The following RAD21 variants were observed in gnomAD, a reference collection of about 807,000 sequenced individuals.
RAD21 encodes double-strand-break repair protein rad21 homolog.
Under a neutral mutation model 71.5 loss-of-function variants are expected in RAD21, and 18 were observed. That is an observed-to-expected ratio of 0.25 (90% CI 0.17 to 0.37). The LOEUF (loss-of-function observed/expected upper bound fraction) is 0.37, where lower values mean the gene tolerates loss of function less well. Among genes scored for constraint, RAD21 ranks in the 10% least tolerant of loss-of-function variants. The pLI is 1.00. For synonymous variants in RAD21, 248 were observed against 254.0 expected (o/e 0.98, Z 0.22); for missense variants, 493 against 769.1 (o/e 0.64, Z 4.25).
At position 116,862,113 on chromosome 8, in the gene RAD21, T is replaced by A. The variant is rs190815646; in HGVS notation, c.275-173A>T. On this transcript the variant is annotated intron_variant, in intron 3 of 13. Coordinates refer to ENST00000297338, the MANE Select transcript of RAD21 (RefSeq NM_006265.3). ...TCTTTTTCCATGCTCATAAATTGTATTCCTTGCTTTAGGAAAAAGTCAAAG... is the reference window on the plus strand; with the variant it reads ...TCTTTTTCCATGCTCATAAATTGTAATCCTTGCTTTAGGAAAAAGTCAAAG... Among the ~76,000 whole-genome samples, 141 of 152,270 alleles carry A rather than the reference T, an allele frequency of 9.3e-4. 1 individual carries two copies. The highest frequency in any genetic ancestry group is 3.3e-3 in the African/African-American group (138 of 41,562).
intron 2 of RAD21, among the ~76,000 whole-genome samples, chr8:116,866,206 A>T (rs1812687322): frequency 6.7e-6 from 1 of 148,838 alleles, no homozygotes; most frequent in Non-Finnish European, 1.5e-5. Flanking sequence ...GCCTTTTTAG[A>T]TTGGCTTATT....
At position 116,854,440 on chromosome 8, in the gene RAD21, C is replaced by T; in HGVS notation, c.966G>A (p.Arg322=). ...CTTTGACACTGTCAACAATTAGCTT[C>T]CTCTTCCTCTTGGCTTTTGTTTCTT... ...TVKETKAKRK[R]KLIVDSVKEL... The change falls in exon 9 of 14, where the codon AGG becomes AGA. Residue 322 remains arginine (R), a synonymous_variant. Coordinates refer to ENST00000297338, the MANE Select transcript of RAD21 (RefSeq NM_006265.3). 2.5e-6 allele frequency: 4 copies of T among 1,613,502 alleles called. No individual in the cohort carries two copies. Among genetic ancestry groups the T allele is most frequent in the Non-Finnish European group, 3.4e-6 (4 of 1,179,774 alleles).
At chr8:116,847,903 C>T (rs1586260674) in intron 13 of RAD21, among the ~76,000 whole-genome samples, 1 of 152,202 alleles carries the variant, frequency 6.6e-6, no homozygotes, top group Non-Finnish European at 1.5e-5. Context: ...CTGTGGCAAT[C>T]AGTGAATTCT....
intron 12 of RAD21, among the ~76,000 whole-genome samples, chr8:116,849,923 C>T (rs1286163888): frequency 6.6e-6 from 1 of 152,080 alleles, no homozygotes; most frequent in African/African-American, 2.4e-5. Flanking sequence ...TCAATGCTAC[C>T]TAAAGGACAC....
chr8:116,867,565 T>C (rs1455894754), intron 1 of RAD21, among the ~76,000 whole-genome samples: 1 of 152,212 alleles, frequency 6.6e-6, no homozygotes, highest in Non-Finnish European at 1.5e-5. Flanking sequence ...ATTTCCTTTA[T>C]ATCATTTAAT....
intron 8 of RAD21, 90 bp from the exon 9 acceptor site, chr8:116,854,558 C>T: frequency 3.2e-6 from 3 of 935,778 alleles, no homozygotes; most frequent in Non-Finnish European, 5.0e-6. Flanking sequence ...TATTCCCCTG[C>T]TTTTCTACAC....
chr8:116,852,808 TA>T (rs987281288), intron 9 of RAD21, 100 bp from the exon 10 acceptor site: 1 of 852,818 alleles, frequency 1.2e-6, no homozygotes, highest in Non-Finnish European at 1.6e-6. Flanking sequence ...CTAATAAATA[TA>T]AGTGTATAAT....
Position 116,857,142 on chromosome 8 carries a change from T to C in RAD21, c.688+125A>G, listed in dbSNP as rs1426290461. The C allele has an allele frequency of 5.1e-6, 4 of 789,242 alleles. No homozygotes were observed. The African/African-American group carries it at 7.0e-5, about 14-fold the overall frequency. 48.9% of individuals were successfully genotyped at this position (789,242 alleles called of 1,614,324 possible). ...TACCGAAATGTCCTATTGAACCAAC[T>C]GATCACAATTCACTCATATATATCT... On this transcript the variant is annotated intron_variant, in intron 6 of 13. Transcript: ENST00000297338.
chr8:116,865,194 G>C (rs1328745465), intron 2 of RAD21, among the ~76,000 whole-genome samples: 1 of 151,998 alleles, frequency 6.6e-6, no homozygotes, highest in Non-Finnish European at 1.5e-5. Flanking sequence ...CATTATTCCT[G>C]AACTGTCTGC....
rs1240772061 is a variant in RAD21 at position 116,856,863 on chromosome 8, G to T, written c.689-92C>A. The T allele has an allele frequency of 2.2e-5, 21 of 964,242 alleles. No homozygotes were observed. The Admixed American group carries it at 5.9e-4, about 27-fold the overall frequency. The allele number at this position is 964,242 out of a possible 1,614,324, so 59.7% of individuals were successfully genotyped here. ...TGGAAAAACAAAATTATGTTAAAAGGGATAAAATTTAAACGTATACTCAAC... is the reference window on the plus strand; with the variant it reads ...TGGAAAAACAAAATTATGTTAAAAGTGATAAAATTTAAACGTATACTCAAC... On this transcript the variant is annotated intron_variant, in intron 6 of 13. Transcript: ENST00000297338.
In RAD21 at chr8:116,846,493, C is replaced by T. The variant is rs113836837; in HGVS notation, c.*1007G>A. The T allele has an allele frequency of 0.018, 3,977 of 224,298 alleles. 159 individuals carry two copies. The highest frequency in any genetic ancestry group is 0.083 in the African/African-American group (3,610 of 43,242). The allele number at this position is 224,298 out of a possible 1,614,324, so 13.9% of individuals were successfully genotyped here. On this transcript the variant is annotated 3_prime_UTR_variant, in exon 14 of 14. Transcript: ENST00000297338. The stretch of plus-strand genomic sequence containing the variant: ...AACTGGATATAGGATTTCGTTGCAA[C>T]GCTATTAAAGTTCCAAACCAGGAGT...
chr8:116,863,105 A>T (rs1812624558), intron 3 of RAD21, 25 bp downstream of exon 3: 1 of 1,587,128 alleles, frequency 6.3e-7, no homozygotes, highest in African/African-American at 1.3e-5. Context: ...CAACAACAAC[A>T]AAAACCAAAC....
intron 13 of RAD21, among the ~76,000 whole-genome samples, chr8:116,848,038 GC>G (rs1812280312): frequency 6.6e-6 from 1 of 152,128 alleles, no homozygotes; most frequent in South Asian, 2.1e-4. Flanking sequence ...GCTTTCTGAG[GC>G]CTCACCAGAA....
chr8:116,852,287 T>C lies in RAD21; in HGVS notation c.1322-191A>G, dbSNP rs1037532529. On this transcript the variant is annotated intron_variant, in intron 10 of 13. Transcript: ENST00000297338. ...ATATACGTAAAGGGGAAAGGGGATC[T>C]TAAAAGGACAAGTCCTACCCTCAGT... 15 of 657,478 alleles carry C rather than the reference T, an allele frequency of 2.3e-5. No individual in the cohort carries two copies. The African/African-American group carries it at 2.7e-4, about 12-fold the overall frequency. The allele number at this position is 657,478 out of a possible 1,614,324, so 40.7% of individuals were successfully genotyped here.
chr8:116,857,349 C>T lies in RAD21; in HGVS notation c.606G>A (p.Leu202=), dbSNP rs139128240. 8 of 1,612,430 alleles carry T rather than the reference C, an allele frequency of 5.0e-6. No homozygotes were observed. In the African/African-American group the frequency reaches 1.1e-4, roughly 22 times the overall value. The change falls in exon 6 of 14, where the codon CTG becomes CTA. Residue 202 remains leucine (L), a synonymous_variant. Transcript: ENST00000297338. ...ATTCTAAATGGTTAATTTTCTCATT[C>T]AGATTGCTGGTGCTCTGTTCAGACT... ...LLESEQSTSN[L]NEKINHLEYE...
intron 1 of RAD21, among the ~76,000 whole-genome samples, chr8:116,867,536 A>C (rs1365108596): frequency 6.6e-6 from 1 of 152,156 alleles, no homozygotes; most frequent in African/African-American, 2.4e-5. Context: ...AGTTCAGAAG[A>C]GTACATTAAC....
Position 116,847,694 on chromosome 8 carries a change from G to T in RAD21, c.1705-3C>A. 1 of 1,607,380 alleles carries T rather than the reference G, an allele frequency of 6.2e-7. No homozygotes were observed. Among genetic ancestry groups the T allele is most frequent in the South Asian group, 1.1e-5 (1 of 90,218 alleles). On this transcript the variant is annotated splice_polypyrimidine_tract_variant and splice_region_variant and intron_variant, in intron 13 of 13. Coordinates refer to ENST00000297338, the MANE Select transcript of RAD21 (RefSeq NM_006265.3). ...GCTCCAGTTTTAGCAAGAGCACGCT[G>T]AAATAAAACCAAAAAAGGGTAACTT...
Position 116,856,686 on chromosome 8 carries a change from C to A in RAD21, c.774G>T (p.Gln258His), listed in dbSNP as rs1200867010. 1 of 1,596,080 alleles carries A rather than the reference C, an allele frequency of 6.3e-7. No individual in the cohort carries two copies. The highest frequency in any genetic ancestry group is 2.3e-5 in the East Asian group (1 of 43,788). The change falls in exon 7 of 14, where the codon CAG becomes CAT. Residue 258 changes from glutamine (Q) to histidine (H), a missense_variant. Transcript: ENST00000297338. ...LSEAGVMLPE[Q>H]PAHDDMDEDD... ...CCTCATCCATATCGTCATGTGCAGG[C>A]TGCTCTGGCAACATCACCCCTGCCT...
intron 1 of RAD21, among the ~76,000 whole-genome samples, chr8:116,872,083 C>A (rs1812834647): frequency 6.6e-6 from 1 of 152,050 alleles, no homozygotes; most frequent in South Asian, 2.1e-4. Flanking sequence ...GACAAAAAAA[C>A]ACAATAATAA....
Sources: allele counts gnomAD v4.1 joint callset (sites outside exome capture counted in the v4.1 genomes callset), GRCh38; gene constraint gnomAD v4.1.1; transcripts MANE v1.5; gene names NCBI Gene and HGNC (gene_info 2026-07-23, HGNC 2026-07-21).